The following PALLD variants were observed in gnomAD, a reference collection of about 807,000 sequenced individuals.
PALLD encodes the protein palladin.
In PALLD, 61 loss-of-function variants were observed where a neutral mutation model predicts 123.5. That is an observed-to-expected ratio of 0.49 (90% CI 0.40 to 0.61). The LOEUF (loss-of-function observed/expected upper bound fraction) is 0.61, where lower values mean the gene tolerates loss of function less well. Ranked by LOEUF, PALLD falls within the 20% of genes least tolerant of loss-of-function variation. The pLI, the probability that PALLD is intolerant of heterozygous loss-of-function variation, is 0.00. For synonymous variants in PALLD, 465 were observed against 496.4 expected (o/e 0.94, Z 0.84); for missense variants, 1,273 against 1,377.0 (o/e 0.92, Z 1.20).
At chr4:168,589,909 C>A (rs987616552) in intron 2 of PALLD, among the ~76,000 whole-genome samples, 1 of 152,196 alleles carries the variant, frequency 6.6e-6, no homozygotes, top group African/African-American at 2.4e-5. Flanking sequence ...CCATGTCCAC[C>A]TAAGTGTAAA....
intron 10 of PALLD, among the ~76,000 whole-genome samples, chr4:168,759,202 A>AAAAAAAAAAT (rs1554077926): frequency 9.0e-5 from 2 of 22,304 alleles, no homozygotes; most frequent in Non-Finnish European, 1.7e-4. Context: ...AAAAAAAAAA[A>AAAAAAAAAAT]ATATATATAT....
At chr4:168,771,495 G>A (rs1044926778) in intron 10 of PALLD, among the ~76,000 whole-genome samples, 1 of 152,138 alleles carries the variant, frequency 6.6e-6, no homozygotes, top group East Asian at 1.9e-4. Flanking sequence ...TCCCTTCCCG[G>A]AGGCATAGAA....
intron 2 of PALLD, among the ~76,000 whole-genome samples, chr4:168,554,334 C>T (rs1370769225): frequency 6.6e-6 from 1 of 152,088 alleles, no homozygotes; most frequent in African/African-American, 2.4e-5. Flanking sequence ...TCTCCAATAC[C>T]CTTATTGAGT....
intron 17 of PALLD, among the ~76,000 whole-genome samples, chr4:168,918,400 T>A (rs913702961): frequency 6.6e-6 from 1 of 151,916 alleles, no homozygotes; most frequent in African/African-American, 2.4e-5. Flanking sequence ...TGGATGAACC[T>A]GGAGGACATA....
intron 10 of PALLD, among the ~76,000 whole-genome samples, chr4:168,818,709 G>A (rs1449649186): frequency 6.6e-6 from 1 of 152,152 alleles, no homozygotes; most frequent in Non-Finnish European, 1.5e-5. Flanking sequence ...GTTTAGTATA[G>A]CATATTTTTT....
chr4:168,668,222 C>T lies in PALLD; in HGVS notation c.941C>T (p.Thr314Ile), dbSNP rs1030426931. ...WFCEGKELHN[T>I]PDIQIHCEGG... ...TGTGAAGGGAAAGAACTGCACAACA[C>T]TCCTGATATTCAAATCCACTGTGAG... The change falls in exon 3 of 22, where the codon ACT (threonine) becomes ATT (isoleucine). Residue 314 changes from threonine to isoleucine, a missense_variant. By Grantham distance (89) the Thr-to-Ile change is moderately conservative (BLOSUM62 -1). Coordinates refer to ENST00000505667, the MANE Select transcript of PALLD (RefSeq NM_001166108.2). The T allele has an allele frequency of 1.9e-6, 3 of 1,614,026 alleles. No homozygotes were observed. The African/African-American group carries it at 4.0e-5, about 22-fold the overall frequency.
chr4:168,512,281 A>T lies in PALLD; in HGVS notation c.777A>T (p.Pro259=). The part of the protein sequence containing the change: ...LAVPHNRKSH[P]QPHSALHFPA... ...TGCCACACAACCGCAAGTCTCACCC[A>T]CAGCCCCACAGCGCCCTCCACTTCC... The change falls in exon 2 of 22, where the codon CCA becomes CCT. Residue 259 remains proline (P), a synonymous_variant. Coordinates refer to ENST00000505667, the MANE Select transcript of PALLD (RefSeq NM_001166108.2). 1.2e-6 allele frequency: 2 copies of T among 1,614,114 alleles called. No homozygotes were observed. The highest frequency in any genetic ancestry group is 2.2e-5 in the East Asian group (1 of 44,870).
chr4:168,908,575 A>G (rs367819372), intron 15 of PALLD, among the ~76,000 whole-genome samples: 12 of 152,186 alleles, frequency 7.9e-5, no homozygotes, highest in African/African-American at 2.7e-4. Flanking sequence ...AGAAAACTGA[A>G]GTTGACTCCT....
At chr4:168,673,724 G>C (rs1780537303) in intron 3 of PALLD, among the ~76,000 whole-genome samples, 1 of 152,168 alleles carries the variant, frequency 6.6e-6, no homozygotes, top group African/African-American at 2.4e-5. Flanking sequence ...CCAAAACCCT[G>C]CAGTGGTTCC....
rs546657946 is a variant in PALLD, at chr4:168,748,319, G to A, written c.1964+36396G>A. ...AACCAGAAACTCTGGGGTGGGACCT[G>A]GCAATCTGTATGTATTTAAACAAGT... is the stretch of plus-strand genomic sequence containing the variant. On this transcript the variant is annotated intron_variant, in intron 10 of 21. Transcript: ENST00000505667. 1.1e-4 allele frequency among the ~76,000 whole-genome samples: 17 copies of A among 152,254 alleles called. No homozygotes were observed. The East Asian group carries it at 3.3e-3, about 29-fold the overall frequency.
chr4:168,625,510 T>C (rs78076428), intron 2 of PALLD, among the ~76,000 whole-genome samples: 1 of 65,102 alleles, frequency 1.5e-5, no homozygotes, highest in Non-Finnish European at 4.1e-5. Flanking sequence ...GAGATATATA[T>C]ATATATATCC....
chr4:168,695,807 T>C (rs1468001702), intron 8 of PALLD, among the ~76,000 whole-genome samples: 3 of 152,198 alleles, frequency 2.0e-5, no homozygotes, highest in Admixed American at 6.5e-5. Flanking sequence ...TAAACACTTA[T>C]TAAGTTCTTT....
chr4:168,629,616 C>G (rs62333860), intron 2 of PALLD, among the ~76,000 whole-genome samples: 9,928 of 152,252 alleles, frequency 0.065, 462 homozygotes, highest in Non-Finnish European at 0.095. Flanking sequence ...GCATTTTCAA[C>G]AAGCTCCCCC....
intron 2 of PALLD, among the ~76,000 whole-genome samples, chr4:168,527,049 C>T (rs749536916): frequency 6.6e-6 from 1 of 152,174 alleles, no homozygotes; most frequent in Admixed American, 6.5e-5. Flanking sequence ...TCCTCCTTTG[C>T]CAGCTGCTTG....
At chr4:168,792,753 ATTCTTTTTTT>A (rs1737711341) in intron 10 of PALLD, among the ~76,000 whole-genome samples, 1 of 151,714 alleles carries the variant, frequency 6.6e-6, no homozygotes, top group Admixed American at 6.6e-5. Context: ...ATTTAATCTT[ATTCTTTTTTT>A]TTCTTTTTTT....
chr4:168,576,467 T>C (rs1288838400), intron 2 of PALLD, among the ~76,000 whole-genome samples: 1 of 152,012 alleles, frequency 6.6e-6, no homozygotes, highest in African/African-American at 2.4e-5. Context: ...TTCCTACCTA[T>C]GAGTGAGAAC....
intron 10 of PALLD, chr4:168,831,871 G>A (rs916632207): frequency 3.8e-5 from 14 of 369,210 alleles, no homozygotes; most frequent in Non-Finnish European, 5.2e-5. Flanking sequence ...CCCAGGAAGG[G>A]GCCTGCGACC....
At chr4:168,734,369 A>G (rs1025664852) in intron 10 of PALLD, among the ~76,000 whole-genome samples, 5 of 152,068 alleles carry the variant, frequency 3.3e-5, no homozygotes, top group Non-Finnish European at 5.9e-5. Context: ...TGGCTTGACA[A>G]CTCTAGTCAA....
chr4:168,501,747 T>C (rs990160362), intron 1 of PALLD, among the ~76,000 whole-genome samples: 2 of 152,188 alleles, frequency 1.3e-5, no homozygotes, highest in Admixed American at 6.5e-5. Context: ...TAAAGGACCA[T>C]TGACCTGAGC....
Sources: gnomAD v4.1 joint callset for allele counts (sites outside exome capture counted in the v4.1 genomes callset) on GRCh38, gnomAD v4.1.1 for gene constraint, MANE v1.5 for transcripts, NCBI Gene and HGNC (gene_info 2026-07-23, HGNC 2026-07-21) for gene names.